CSMD1: variants seen among roughly 807,000 people sequenced by gnomAD.
The protein encoded by CSMD1 is CUB and sushi domain-containing protein 1.
Under a neutral mutation model 417.5 loss-of-function variants are expected in CSMD1, and 213 were observed. That is an observed-to-expected ratio of 0.51 (90% CI 0.46 to 0.57). CSMD1 has a LOEUF of 0.57. Ranked by LOEUF, CSMD1 falls within the 20% of genes least tolerant of loss-of-function variation. CSMD1 has a pLI of 0.00. For synonymous variants in CSMD1, 2,862 were observed against 1,736.8 expected, an observed-to-expected ratio of 1.65 and a Z score of -16.11; for missense variants, 6,923 against 4,529.7, an observed-to-expected ratio of 1.53 and a Z score of -15.17.
At chr8:4,540,637 A>G (rs867247788) in intron 2 of CSMD1, among the ~76,000 whole-genome samples, 5 of 152,198 alleles carry the variant, frequency 3.3e-5, no homozygotes, top group African/African-American at 9.6e-5. Flanking sequence ...GGGGCCAGAC[A>G]TGGGAGCACC....
At chr8:4,227,376 C>A (rs1346167070) in intron 3 of CSMD1, among the ~76,000 whole-genome samples, 1 of 152,068 alleles carries the variant, frequency 6.6e-6, no homozygotes, top group African/African-American at 2.4e-5. Context: ...ATTTTAAGAA[C>A]CCTATTCTAT....
chr8:3,133,340 C>T lies in CSMD1; in HGVS notation c.6241+9125G>A, dbSNP rs1047960131. On this transcript the variant is annotated intron_variant, in intron 41 of 69. Coordinates refer to ENST00000635120, the MANE Select transcript of CSMD1 (RefSeq NM_033225.6). ...ACTTTCCACTACCCTCCGGGGATGC[C>T]GGCTGACCTGAGGATCCCTCAGAGC... Among the ~76,000 whole-genome samples, 18 of 152,290 alleles carry T rather than the reference C, an allele frequency of 1.2e-4. No homozygotes were observed. The East Asian group carries it at 2.9e-3, about 25-fold the overall frequency.
At chr8:3,929,154 G>C (rs911254131) in intron 5 of CSMD1, among the ~76,000 whole-genome samples, 3 of 150,238 alleles carry the variant, frequency 2.0e-5, no homozygotes, top group East Asian at 2.0e-4. Context: ...GCCCCCTCTG[G>C]AAGGATACAC....
intron 1 of CSMD1, among the ~76,000 whole-genome samples, chr8:4,728,538 T>G (rs147266214): frequency 2.6e-5 from 4 of 152,264 alleles, no homozygotes; most frequent in Admixed American, 6.5e-5. Flanking sequence ...CTCCCAATCT[T>G]TAGCTTATTT....
chr8:4,003,968 G>A (rs573936314), intron 4 of CSMD1, among the ~76,000 whole-genome samples: 1 of 151,872 alleles, frequency 6.6e-6, no homozygotes, highest in Non-Finnish European at 1.5e-5. Context: ...CCATCAACTG[G>A]AAAACATTCA....
chr8:3,770,367 A>G (rs950131327), intron 5 of CSMD1, among the ~76,000 whole-genome samples: 7 of 152,100 alleles, frequency 4.6e-5, no homozygotes, highest in African/African-American at 1.7e-4. Context: ...CGTCTCTACT[A>G]AAAATACAAA....
At chr8:4,987,388 C>A (rs1454827458) in intron 1 of CSMD1, among the ~76,000 whole-genome samples, 1 of 152,142 alleles carries the variant, frequency 6.6e-6, no homozygotes, top group Admixed American at 6.5e-5. Flanking sequence ...AGGGTTGCTG[C>A]AACACTTTAG....
At chr8:4,061,026 C>T (rs1263526475) in intron 3 of CSMD1, among the ~76,000 whole-genome samples, 1 of 151,530 alleles carries the variant, frequency 6.6e-6, no homozygotes, top group Non-Finnish European at 1.5e-5. Context: ...TTCACAATAC[C>T]CATTGTGATT....
chr8:4,526,764 C>A (rs959031271), intron 2 of CSMD1, among the ~76,000 whole-genome samples: 1 of 152,066 alleles, frequency 6.6e-6, no homozygotes, highest in Admixed American at 6.5e-5. Context: ...TTAGCAGGGA[C>A]TATGATTCTC....
intron 5 of CSMD1, among the ~76,000 whole-genome samples, chr8:3,962,337 T>G (rs1563258502): frequency 2.0e-5 from 3 of 152,044 alleles, no homozygotes; most frequent in Admixed American, 6.5e-5. Context: ...TATGCAGGAT[T>G]AAGATCCCAA....
intron 12 of CSMD1, among the ~76,000 whole-genome samples, chr8:3,410,604 G>A (rs191954957): frequency 5.9e-5 from 9 of 152,250 alleles, no homozygotes; most frequent in African/African-American, 2.2e-4. Flanking sequence ...ATGATTGTGA[G>A]GCCTCTCCAG....
rs754620695 is a variant in CSMD1 at position 4,972,953 on chromosome 8, G to A, written c.85+21379C>T. ...TGTAAGTTAACTCTCCAGCATAGCCGTCATTTTAAAAATTAAAAATCACTT... is the reference window on the plus strand; with the variant it reads ...TGTAAGTTAACTCTCCAGCATAGCCATCATTTTAAAAATTAAAAATCACTT... On this transcript the variant is annotated intron_variant, in intron 1 of 69. Coordinates refer to ENST00000635120, the MANE Select transcript of CSMD1 (RefSeq NM_033225.6). Among the ~76,000 whole-genome samples, 8 of 152,040 alleles carry A rather than the reference G, an allele frequency of 5.3e-5. No individual in the cohort carries two copies. In the East Asian group the frequency reaches 5.8e-4, roughly 11 times the overall value.
chr8:3,452,055 G>T (rs146904694), intron 12 of CSMD1, among the ~76,000 whole-genome samples: 64,216 of 151,924 alleles, frequency 0.42, 14,159 homozygotes, highest in Middle Eastern at 0.51. Flanking sequence ...TGGATTCCTA[G>T]GTATTTTATT....
At chr8:4,153,875 G>A (rs58795226) in intron 3 of CSMD1, among the ~76,000 whole-genome samples, 40,910 of 152,072 alleles carry the variant, frequency 0.27, 5,981 homozygotes, top group African/African-American at 0.39. Context: ...CCTGACTCAT[G>A]GCAGCAAACT....
intron 7 of CSMD1, among the ~76,000 whole-genome samples, chr8:3,622,144 C>T (rs2117201111): frequency 6.6e-6 from 1 of 152,256 alleles, no homozygotes; most frequent in Non-Finnish European, 1.5e-5. Flanking sequence ...CTACTACTAG[C>T]TCTCTGAAAT....
chr8:3,762,026 T>C (rs893330475), intron 5 of CSMD1, among the ~76,000 whole-genome samples: 1 of 152,116 alleles, frequency 6.6e-6, no homozygotes, highest in Non-Finnish European at 1.5e-5. Flanking sequence ...GCCTTTAGCT[T>C]TTTCCTTGTG....
At chr8:2,999,181 G>C (rs1412293153) in intron 53 of CSMD1, among the ~76,000 whole-genome samples, 1 of 123,844 alleles carries the variant, frequency 8.1e-6, no homozygotes, top group Non-Finnish European at 1.6e-5. Context: ...TTGAGATAGA[G>C]TCTTGGTCTG....
At chr8:3,118,768 G>A (rs1005296072) in intron 41 of CSMD1, among the ~76,000 whole-genome samples, 181 bp from the exon 42 acceptor site, 2 of 152,070 alleles carry the variant, frequency 1.3e-5, no homozygotes, top group East Asian at 1.9e-4. Context: ...AGTAGTAGTA[G>A]AATCATAACC....
chr8:3,206,495 G>C (rs1379165124), intron 30 of CSMD1, among the ~76,000 whole-genome samples: 1 of 82,888 alleles, frequency 1.2e-5, no homozygotes, highest in African/African-American at 4.6e-5. Flanking sequence ...TGTGTGTGTG[G>C]GTGTATGTGT....
Sources: gnomAD v4.1 joint callset for allele counts (sites outside exome capture counted in the v4.1 genomes callset) on GRCh38, gnomAD v4.1.1 for gene constraint, MANE v1.5 for transcripts, NCBI Gene and HGNC (gene_info 2026-07-23, HGNC 2026-07-21) for gene names.